Variants in LMX1A observed in about 807,000 individuals in gnomAD.
LMX1A encodes LIM homeobox transcription factor 1 alpha.
LMX1A carries 15 observed loss-of-function variants against 49.1 expected under a neutral mutation model. That is an observed-to-expected ratio of 0.31 (90% CI 0.20 to 0.47). The LOEUF is 0.47. Ranked by LOEUF, LMX1A falls within the 20% of genes least tolerant of loss-of-function variation. LMX1A has a pLI of 1.00. For missense variants in LMX1A, 372 were observed against 475.8 expected, an observed-to-expected ratio of 0.78 and a Z score of 2.03; for synonymous variants, 167 against 185.7, an observed-to-expected ratio of 0.90 and a Z score of 0.82.
chr1:165,225,222 C>T (rs1651991461), intron 4 of LMX1A, among the ~76,000 whole-genome samples: 1 of 152,180 alleles, frequency 6.6e-6, no homozygotes, highest in Non-Finnish European at 1.5e-5. Context: ...GGCGGCTTCC[C>T]AGCTGAGAAA....
intron 3 of LMX1A, among the ~76,000 whole-genome samples, chr1:165,287,875 C>T (rs1287324482): frequency 6.6e-6 from 1 of 152,116 alleles, no homozygotes; most frequent in African/African-American, 2.4e-5. Context: ...GACAATTTCC[C>T]AGGAATGCTG....
intron 3 of LMX1A, among the ~76,000 whole-genome samples, chr1:165,283,738 C>T (rs971757612): frequency 6.6e-6 from 1 of 152,222 alleles, no homozygotes; most frequent in African/African-American, 2.4e-5. Context: ...AAAACACAGC[C>T]TGGCACGTAG....
At chr1:165,234,894 A>T (rs1040151814) in intron 4 of LMX1A, among the ~76,000 whole-genome samples, 1 of 152,190 alleles carries the variant, frequency 6.6e-6, no homozygotes, top group Non-Finnish European at 1.5e-5. Flanking sequence ...TCTAACAATC[A>T]TTCTCCCATC....
chr1:165,227,690 T>G (rs1652085002), intron 4 of LMX1A, among the ~76,000 whole-genome samples: 2 of 152,208 alleles, frequency 1.3e-5, no homozygotes, highest in South Asian at 4.1e-4. Flanking sequence ...TCCCCAAATT[T>G]CAGCTTCCTG....
At chr1:165,293,390 C>T (rs1369901023) in intron 3 of LMX1A, among the ~76,000 whole-genome samples, 1 of 152,210 alleles carries the variant, frequency 6.6e-6, no homozygotes, top group Non-Finnish European at 1.5e-5. Context: ...AGCAACACCC[C>T]TGTGAGCAAG....
intron 3 of LMX1A, among the ~76,000 whole-genome samples, chr1:165,329,278 T>C (rs1242160305): frequency 6.6e-6 from 1 of 152,166 alleles, no homozygotes; most frequent in African/African-American, 2.4e-5. Context: ...TCCGGTCACC[T>C]CCCACCAGGT....
intron 3 of LMX1A, among the ~76,000 whole-genome samples, chr1:165,331,867 A>G (rs776270380): frequency 2.0e-5 from 3 of 152,204 alleles, no homozygotes; most frequent in Non-Finnish European, 4.4e-5. Flanking sequence ...CAGTGAGACA[A>G]AATTGTGCCA....
intron 3 of LMX1A, among the ~76,000 whole-genome samples, chr1:165,266,837 A>G (rs2101691538): frequency 6.6e-6 from 1 of 151,830 alleles, no homozygotes; most frequent in Non-Finnish European, 1.5e-5. Context: ...TCCTGACCTC[A>G]TGATCCGCCT....
chr1:165,331,030 A>G (rs564452746), intron 3 of LMX1A, among the ~76,000 whole-genome samples: 14 of 152,348 alleles, frequency 9.2e-5, no homozygotes, highest in African/African-American at 3.4e-4. Flanking sequence ...ATTTTAAAAA[A>G]TAAGATATAA....
chr1:165,293,142 CA>C (rs374241749), intron 3 of LMX1A, among the ~76,000 whole-genome samples: 131 of 144,932 alleles, frequency 9.0e-4, no homozygotes, highest in Non-Finnish European at 6.1e-4. Flanking sequence ...CAAAACAAAA[CA>C]AAAAAAAAAC....
At position 165,272,335 on chromosome 1, in the gene LMX1A, C is replaced by T. The variant is rs992800267; in HGVS notation, c.264-22695G>A. On this transcript the variant is annotated intron_variant, in intron 3 of 8. Coordinates refer to ENST00000342310, the MANE Select transcript of LMX1A (RefSeq NM_177398.4). ...CAAACATTTGCTGCTGAAGAGAGCT[C>T]CATTTCTTAAGAGCCCACAGAGATC... Among the ~76,000 whole-genome samples the T allele has an allele frequency of 7.9e-5, 12 of 152,310 alleles. No individual in the cohort carries two copies. The South Asian group carries it at 1.7e-3, about 21-fold the overall frequency.
chr1:165,298,451 C>T (rs1654684216), intron 3 of LMX1A, among the ~76,000 whole-genome samples: 1 of 152,212 alleles, frequency 6.6e-6, no homozygotes, highest in African/African-American at 2.4e-5. Context: ...GGACATGCTG[C>T]TATGGACACA....
chr1:165,345,854 ACT>A (rs1177359830), intron 3 of LMX1A, among the ~76,000 whole-genome samples: 3 of 152,142 alleles, frequency 2.0e-5, no homozygotes, highest in Non-Finnish European at 4.4e-5. Context: ...ACATAGCAAG[ACT>A]CTGTCGCTAC....
rs1177180900 is a variant in LMX1A, at chr1:165,202,107, G to T, written c.*1773C>A. ...TCACACAACATAGACTCTACCATAA[G>T]GGGACATGTTCCCTCTGGCCTTGCC... On this transcript the variant is annotated 3_prime_UTR_variant, in exon 9 of 9. Coordinates refer to ENST00000342310, the MANE Select transcript of LMX1A (RefSeq NM_177398.4). The T allele has an allele frequency of 6.6e-6, 1 of 152,454 alleles. No individual in the cohort carries two copies. The highest frequency in any genetic ancestry group is 1.5e-5 in the Non-Finnish European group (1 of 68,018). The allele number at this position is 152,454 out of a possible 1,614,324, so 9.4% of individuals were successfully genotyped here.
chr1:165,303,489 G>C (rs1654841143), intron 3 of LMX1A, among the ~76,000 whole-genome samples: 2 of 152,230 alleles, frequency 1.3e-5, no homozygotes, highest in Non-Finnish European at 1.5e-5. Flanking sequence ...AGACAGATGA[G>C]AAGGGGGAAG....
chr1:165,324,324 C>T (rs1425963239), intron 3 of LMX1A, among the ~76,000 whole-genome samples: 1 of 152,168 alleles, frequency 6.6e-6, no homozygotes, highest in African/African-American at 2.4e-5. Context: ...AAGTGCAGCT[C>T]TACCCTGATG....
intron 3 of LMX1A, among the ~76,000 whole-genome samples, chr1:165,350,488 T>C (rs969547940): frequency 1.1e-4 from 16 of 152,082 alleles, no homozygotes; most frequent in Non-Finnish European, 1.9e-4. Context: ...GCGTCTTGCA[T>C]ACAGAAGCTC....
intron 3 of LMX1A, among the ~76,000 whole-genome samples, chr1:165,301,773 T>G (rs1328777640): frequency 6.6e-6 from 1 of 152,060 alleles, no homozygotes; most frequent in Non-Finnish European, 1.5e-5. Context: ...AAGAACAAAC[T>G]GGTTCTTTTC....
chr1:165,352,419 T>C (rs1656455659), intron 3 of LMX1A, among the ~76,000 whole-genome samples: 1 of 152,146 alleles, frequency 6.6e-6, no homozygotes, highest in African/African-American at 2.4e-5. Flanking sequence ...CCCCAACTAC[T>C]GTCCTAAAAG....
Sources: gnomAD v4.1 joint callset for allele counts (sites outside exome capture counted in the v4.1 genomes callset) on GRCh38, gnomAD v4.1.1 for gene constraint, MANE v1.5 for transcripts, NCBI Gene and HGNC (gene_info 2026-07-23, HGNC 2026-07-21) for gene names.